The following GPC6 variants were observed in gnomAD, a reference collection of about 807,000 sequenced individuals.
The protein encoded by GPC6 is glypican 6, also known as glypican-6.
Under a neutral mutation model 55.2 loss-of-function variants are expected in GPC6, and 14 were observed. That is an observed-to-expected ratio of 0.25 (90% CI 0.17 to 0.40). GPC6 has a LOEUF of 0.40. Ranked by LOEUF, GPC6 falls within the 10% of genes least tolerant of loss-of-function variation. The pLI is 1.00. For missense variants in GPC6, 641 were observed against 708.5 expected, an observed-to-expected ratio of 0.90 and a Z score of 1.08; for synonymous variants, 278 against 259.6, an observed-to-expected ratio of 1.07 and a Z score of -0.68.
intron 4 of GPC6, among the ~76,000 whole-genome samples, chr13:94,125,630 C>A (rs1240980339): frequency 6.6e-6 from 1 of 152,056 alleles, no homozygotes; most frequent in Admixed American, 6.6e-5. Context: ...CCAGGAGAGA[C>A]CTGCACTGCT....
At chr13:93,604,417 G>A (rs1348901854) in intron 2 of GPC6, among the ~76,000 whole-genome samples, 1 of 152,154 alleles carries the variant, frequency 6.6e-6, no homozygotes, top group Non-Finnish European at 1.5e-5. Context: ...GGAGATGTAG[G>A]AATAGGTAAA....
chr13:93,903,133 A>C (rs1350400734), intron 3 of GPC6, among the ~76,000 whole-genome samples: 1 of 152,210 alleles, frequency 6.6e-6, no homozygotes, highest in East Asian at 1.9e-4. Flanking sequence ...AACACAGGGG[A>C]AATGCTACAT....
chr13:93,374,192 T>G (rs966419032), intron 1 of GPC6, among the ~76,000 whole-genome samples: 3 of 152,216 alleles, frequency 2.0e-5, no homozygotes, highest in African/African-American at 7.2e-5. Flanking sequence ...AATCGGGGAC[T>G]TCTGAGGTAA....
chr13:93,939,243 G>T (rs969600553), intron 3 of GPC6, among the ~76,000 whole-genome samples: 1 of 151,354 alleles, frequency 6.6e-6, no homozygotes, highest in African/African-American at 2.4e-5. Flanking sequence ...TCAAAAAAGA[G>T]AAATTCTTCT....
In GPC6 at chr13:93,895,239, T is replaced by C. The variant is rs1261987719; in HGVS notation, c.711+64694T>C. 5.0e-4 allele frequency among the ~76,000 whole-genome samples: 24 copies of C among 47,914 alleles called. 1 individual carries two copies. The highest frequency in any genetic ancestry group is 1.8e-3 in the African/African-American group (21 of 11,832). The allele number at this position is 47,914 out of a possible 152,430, so 31.4% of individuals were successfully genotyped here. The stretch of plus-strand genomic sequence containing the variant: ...GTGTATGTATGTGTGTGTGTGTATA[T>C]ATATATATATATATATATATATATA... On this transcript the variant is annotated intron_variant, in intron 3 of 8. Transcript: ENST00000377047.
At chr13:93,974,209 G>A (rs1041263076) in intron 3 of GPC6, among the ~76,000 whole-genome samples, 6 of 152,174 alleles carry the variant, frequency 3.9e-5, no homozygotes, top group African/African-American at 1.2e-4. Context: ...TACACAGGCA[G>A]CATGATGCCT....
intron 1 of GPC6, among the ~76,000 whole-genome samples, chr13:93,394,581 T>A (rs1346075058): frequency 2.6e-5 from 4 of 152,304 alleles, no homozygotes; most frequent in East Asian, 3.9e-4. Context: ...TAATGAAACA[T>A]ATTTTCAAGT....
chr13:93,284,174 G>A (rs960196772), intron 1 of GPC6, among the ~76,000 whole-genome samples: 2 of 152,322 alleles, frequency 1.3e-5, no homozygotes, highest in African/African-American at 4.8e-5. Context: ...TTAAAAGGGT[G>A]TAGTTTTATG....
chr13:93,411,194 C>CT (rs1876481952), intron 1 of GPC6, among the ~76,000 whole-genome samples: 1 of 152,140 alleles, frequency 6.6e-6, no homozygotes, highest in Admixed American at 6.6e-5. Context: ...AATCCATCTG[C>CT]TAATATGGCC....
intron 1 of GPC6, among the ~76,000 whole-genome samples, chr13:93,516,375 T>G (rs1881192111): frequency 6.6e-6 from 1 of 152,148 alleles, no homozygotes; most frequent in South Asian, 2.1e-4. Flanking sequence ...AAATATGGTC[T>G]TGGGGTTAGA....
chr13:93,938,720 G>T (rs1474599480), intron 3 of GPC6, among the ~76,000 whole-genome samples: 1 of 152,172 alleles, frequency 6.6e-6, no homozygotes, highest in African/African-American at 2.4e-5. Context: ...TGAAAGAATT[G>T]GAACAGGATT....
chr13:94,252,679 T>C lies in GPC6; in HGVS notation c.878-33670T>C, dbSNP rs530209199. 8.5e-4 allele frequency among the ~76,000 whole-genome samples: 129 copies of C among 152,232 alleles called. 1 individual carries two copies. In the South Asian group the frequency reaches 0.025, roughly 29 times the overall value. ...GTATTAATCATGAGGATAGCTTATA[T>C]GTTTATAAATTGAATGATGGAATTT... On this transcript the variant is annotated intron_variant, in intron 4 of 8. Coordinates refer to ENST00000377047, the MANE Select transcript of GPC6 (RefSeq NM_005708.5).
At chr13:93,929,247 G>T (rs1160169550) in intron 3 of GPC6, among the ~76,000 whole-genome samples, 1 of 152,118 alleles carries the variant, frequency 6.6e-6, no homozygotes, top group Non-Finnish European at 1.5e-5. Flanking sequence ...TGGCCACAAG[G>T]CTTGATTTTT....
At chr13:93,685,869 A>G (rs2138772897) in intron 2 of GPC6, among the ~76,000 whole-genome samples, 1 of 152,232 alleles carries the variant, frequency 6.6e-6, no homozygotes, top group South Asian at 2.1e-4. Flanking sequence ...GAGTATTTTT[A>G]TTTTTATCCT....
chr13:93,218,586 A>T, the GPC6 span, among the ~76,000 whole-genome samples: 19 of 152,356 alleles, frequency 1.2e-4, no homozygotes, highest in Non-Finnish European at 2.2e-4. Flanking sequence ...AATGTGGAAG[A>T]TGGAAGTATG....
At chr13:93,489,080 C>A (rs1204536729) in intron 1 of GPC6, among the ~76,000 whole-genome samples, 5 of 151,436 alleles carry the variant, frequency 3.3e-5, no homozygotes, top group Admixed American at 2.0e-4. Context: ...CCTAGGTTTT[C>A]TTCTAGGGTT....
chr13:93,558,475 C>T (rs1231156749), intron 2 of GPC6, among the ~76,000 whole-genome samples: 3 of 152,084 alleles, frequency 2.0e-5, no homozygotes, highest in Non-Finnish European at 4.4e-5. Context: ...TGTAAACTGT[C>T]TTGAAGGTTA....
At chr13:94,355,418 T>C (rs956991898) in intron 6 of GPC6, among the ~76,000 whole-genome samples, 1 of 152,150 alleles carries the variant, frequency 6.6e-6, no homozygotes, top group African/African-American at 2.4e-5. Context: ...GTCAGTTACC[T>C]TTTATTTTCA....
chr13:93,712,941 A>C (rs1236404052), intron 2 of GPC6, among the ~76,000 whole-genome samples: 1 of 151,534 alleles, frequency 6.6e-6, no homozygotes, highest in Non-Finnish European at 1.5e-5. Context: ...AAAAATTTCT[A>C]AAAGTAGGCA....
Sources: gnomAD v4.1 joint callset for allele counts (sites outside exome capture counted in the v4.1 genomes callset) on GRCh38, gnomAD v4.1.1 for gene constraint, MANE v1.5 for transcripts, NCBI Gene and HGNC (gene_info 2026-07-23, HGNC 2026-07-21) for gene names.